Variants in NXPE2 observed in about 807,000 individuals in gnomAD.
NXPE2 encodes neurexophilin and PC-esterase domain family member 2.
A neutral mutation model predicts 34.4 loss-of-function variants in NXPE2; 34 were observed. The observed-to-expected ratio is 0.99, with a 90% CI of 0.75 to 1.31. NXPE2 has a LOEUF of 1.31. Ranked by LOEUF, NXPE2 falls within the 40% of genes most tolerant of loss-of-function variation. The probability of loss-of-function intolerance (pLI) is 0.00; values close to 1 mark genes in which losing one functional copy is unlikely to be tolerated. For missense variants in NXPE2, 649 were observed against 672.5 expected (o/e 0.97, Z 0.39); for synonymous variants, 235 against 231.3 (o/e 1.02, Z -0.15).
the NXPE2 span, among the ~76,000 whole-genome samples, chr11:114,760,302 A>T: frequency 2.0e-5 from 3 of 152,194 alleles, no homozygotes; most frequent in African/African-American, 4.8e-5. Context: ...ATTGTCTATG[A>T]GGAACAGGCC....
chr11:114,730,392 T>C, the NXPE2 span, among the ~76,000 whole-genome samples: 2 of 152,174 alleles, frequency 1.3e-5, no homozygotes, highest in Admixed American at 6.5e-5. Context: ...GGCTCTTTCT[T>C]GGTTACATAC....
chr11:114,744,121 A>G, the NXPE2 span, among the ~76,000 whole-genome samples: 2 of 152,070 alleles, frequency 1.3e-5, no homozygotes, highest in African/African-American at 4.8e-5. Context: ...TCCTTATTAA[A>G]TTGTTCCTGG....
At chr11:114,536,933 A>G in the NXPE2 span, among the ~76,000 whole-genome samples, 144 of 152,316 alleles carry the variant, frequency 9.5e-4, no homozygotes, top group African/African-American at 3.2e-3. Flanking sequence ...CATTTTATGA[A>G]GCCAGCATCA....
At chr11:114,745,306 T>C in the NXPE2 span, among the ~76,000 whole-genome samples, 2 of 152,060 alleles carry the variant, frequency 1.3e-5, no homozygotes, top group Non-Finnish European at 2.9e-5. Flanking sequence ...CCACTCAGGG[T>C]GGAAGGCAAA....
chr11:114,801,853 C>A, the NXPE2 span, among the ~76,000 whole-genome samples: 1 of 152,050 alleles, frequency 6.6e-6, no homozygotes, highest in Middle Eastern at 3.4e-3. Context: ...GGGGTAGGGG[C>A]AGAGAGGAGA....
At chr11:114,720,037 A>T in the NXPE2 span, among the ~76,000 whole-genome samples, 1 of 152,202 alleles carries the variant, frequency 6.6e-6, no homozygotes, top group East Asian at 1.9e-4. Context: ...GACCTCTGCA[A>T]TGATCAAGTC....
the NXPE2 span, chr11:114,523,004 G>T: frequency 6.2e-7 from 1 of 1,613,624 alleles, no homozygotes; most frequent in East Asian, 2.2e-5. Flanking sequence ...GTTGCAAAAT[G>T]TTGTTATCCA....
At chr11:114,468,659 T>C in the NXPE2 span, among the ~76,000 whole-genome samples, 1 of 152,200 alleles carries the variant, frequency 6.6e-6, no homozygotes, top group African/African-American at 2.4e-5. Context: ...AGGATTCTAC[T>C]GAACATTCTA....
At chr11:114,663,843 A>G in the NXPE2 span, among the ~76,000 whole-genome samples, 1 of 152,148 alleles carries the variant, frequency 6.6e-6, no homozygotes, top group Admixed American at 6.6e-5. Flanking sequence ...ATGAGCATAT[A>G]AAAAGATGCT....
At chr11:114,649,049 G>A in the NXPE2 span, among the ~76,000 whole-genome samples, 135 of 151,714 alleles carry the variant, frequency 8.9e-4, no homozygotes, top group African/African-American at 3.1e-3. Flanking sequence ...TTATGTAACT[G>A]GTCACATGGT....
chr11:114,712,284 A>G, the NXPE2 span, among the ~76,000 whole-genome samples: 10 of 152,196 alleles, frequency 6.6e-5, no homozygotes, highest in Non-Finnish European at 1.5e-4. Context: ...AAAAACAAAC[A>G]AACAAATGGG....
chr11:114,571,159 T>C, the NXPE2 span: 1 of 1,614,030 alleles, frequency 6.2e-7, no homozygotes, highest in Admixed American at 1.7e-5. Context: ...TCTGTTTTGA[T>C]GATAACCATA....
At chr11:114,725,976 A>AAAATATATATATATATATATATATATAC in the NXPE2 span, among the ~76,000 whole-genome samples, 1 of 101,758 alleles carries the variant, frequency 9.8e-6, no homozygotes, top group East Asian at 3.6e-4. Flanking sequence ...ATAAAAAAAA[A>AAAATATATATATATATATATATATATAC]ATATATATAT....
the NXPE2 span, among the ~76,000 whole-genome samples, chr11:114,596,910 A>G: frequency 1.3e-5 from 2 of 152,208 alleles, no homozygotes; most frequent in Admixed American, 6.5e-5. Context: ...AGAGTACAAA[A>G]GAAAGTTTGA....
At chr11:114,488,433 A>G in the NXPE2 span, among the ~76,000 whole-genome samples, 6 of 152,052 alleles carry the variant, frequency 3.9e-5, no homozygotes, top group East Asian at 1.2e-3. Context: ...TTATCTTTTG[A>G]AAACATCAAC....
At chr11:114,799,589 C>T in the NXPE2 span, among the ~76,000 whole-genome samples, 394 of 152,260 alleles carry the variant, frequency 2.6e-3, 1 homozygote, top group African/African-American at 8.3e-3. Flanking sequence ...AAGGAGACCC[C>T]CTGGGTGGGA....
chr11:114,676,853 G>A (rs1035884202), upstream of NXPE2, among the ~76,000 whole-genome samples: 3 of 151,932 alleles, frequency 2.0e-5, no homozygotes, highest in Admixed American at 6.6e-5. Flanking sequence ...TGGAAACAAC[G>A]TTAAGTATGC....
the NXPE2 span, among the ~76,000 whole-genome samples, chr11:114,631,515 G>C: frequency 1.7e-5 from 2 of 116,552 alleles, no homozygotes; most frequent in African/African-American, 6.6e-5. Context: ...ACACTCTGGG[G>C]ACTGTTGTGG....
At chr11:114,742,538 G>T in the NXPE2 span, among the ~76,000 whole-genome samples, 2 of 152,030 alleles carry the variant, frequency 1.3e-5, no homozygotes, top group East Asian at 1.9e-4. Flanking sequence ...TCTCTTTTTG[G>T]CACTGAACTA....
Sources: allele counts gnomAD v4.1 joint callset (sites outside exome capture counted in the v4.1 genomes callset), GRCh38; gene constraint gnomAD v4.1.1; transcripts MANE v1.5; gene names NCBI Gene and HGNC (gene_info 2026-07-23, HGNC 2026-07-21).